The following MAGI2 variants were observed in gnomAD, a reference collection of about 807,000 sequenced individuals.
The protein encoded by MAGI2 is membrane-associated guanylate kinase, WW and PDZ domain-containing protein 2.
In MAGI2, 35 loss-of-function variants were observed where a neutral mutation model predicts 133.3. The observed-to-expected ratio is 0.26, with a 90% CI of 0.20 to 0.35. The LOEUF (loss-of-function observed/expected upper bound fraction) is 0.35. MAGI2 is among the 10% of genes least tolerant of loss of function. The probability of loss-of-function intolerance (pLI) is 1.00; values close to 1 mark genes in which losing one functional copy is unlikely to be tolerated. For synonymous variants in MAGI2, 729 were observed against 710.6 expected (o/e 1.03, Z -0.41); for missense variants, 1,636 against 1,863.4 (o/e 0.88, Z 2.25).
intron 20 of MAGI2, among the ~76,000 whole-genome samples, chr7:78,095,185 T>C (rs1817583148): frequency 6.6e-6 from 1 of 152,176 alleles, no homozygotes; most frequent in Non-Finnish European, 1.5e-5. Context: ...CTCAGAGAAT[T>C]CAAATTCAGT....
intron 1 of MAGI2, among the ~76,000 whole-genome samples, chr7:79,190,266 G>A (rs1295348662): frequency 1.3e-5 from 2 of 151,766 alleles, no homozygotes; most frequent in Non-Finnish European, 2.9e-5. Context: ...AATTTCTGTT[G>A]CTCCACATCC....
intron 2 of MAGI2, among the ~76,000 whole-genome samples, chr7:78,828,763 T>C (rs1790883804): frequency 6.6e-6 from 1 of 152,130 alleles, no homozygotes; most frequent in African/African-American, 2.4e-5. Context: ...CTGTACTATC[T>C]TCGTAAATTT....
chr7:78,687,173 T>C (rs539594734), intron 2 of MAGI2, among the ~76,000 whole-genome samples: 9 of 152,302 alleles, frequency 5.9e-5, no homozygotes, highest in Admixed American at 3.3e-4. Flanking sequence ...GGTTTTCTTC[T>C]CACTCCTAAG....
chr7:79,403,747 T>G (rs940418197), intron 1 of MAGI2, among the ~76,000 whole-genome samples: 4 of 152,168 alleles, frequency 2.6e-5, no homozygotes, highest in Admixed American at 6.5e-5. Context: ...AAATGACTAC[T>G]GAGACTTTAG....
At chr7:78,980,290 A>G (rs1183881495) in intron 2 of MAGI2, among the ~76,000 whole-genome samples, 1 of 151,882 alleles carries the variant, frequency 6.6e-6, no homozygotes, top group Non-Finnish European at 1.5e-5. Flanking sequence ...AAAATCAGCT[A>G]TAATTATTAT....
intron 1 of MAGI2, among the ~76,000 whole-genome samples, chr7:79,055,801 C>A (rs549960125): frequency 2.6e-5 from 4 of 152,258 alleles, no homozygotes; most frequent in Middle Eastern, 3.4e-3. Context: ...ACATATTCTT[C>A]TGTTTCCCTA....
intron 20 of MAGI2, among the ~76,000 whole-genome samples, chr7:78,104,933 C>T (rs574295304): frequency 5.9e-5 from 9 of 152,052 alleles, no homozygotes; most frequent in African/African-American, 1.9e-4. Flanking sequence ...AAATAAATGC[C>T]CATGCAATCA....
At chr7:78,033,096 G>A (rs942656442) in intron 21 of MAGI2, among the ~76,000 whole-genome samples, 4 of 152,118 alleles carry the variant, frequency 2.6e-5, no homozygotes, top group African/African-American at 7.2e-5. Context: ...GTGGTAGCTC[G>A]GGCAAGACAT....
At chr7:79,407,801 T>G (rs1479948130) in intron 1 of MAGI2, among the ~76,000 whole-genome samples, 1 of 151,518 alleles carries the variant, frequency 6.6e-6, no homozygotes, top group Non-Finnish European at 1.5e-5. Flanking sequence ...GAGTTAGTTT[T>G]GAAAAAAAAA....
intron 2 of MAGI2, among the ~76,000 whole-genome samples, chr7:78,896,204 C>T (rs1167679683): frequency 1.3e-5 from 2 of 152,070 alleles, no homozygotes; most frequent in Non-Finnish European, 2.9e-5. Flanking sequence ...CTTTGAGCAC[C>T]TTTATTATAT....
At chr7:79,207,806 C>A (rs751966002) in intron 1 of MAGI2, among the ~76,000 whole-genome samples, 1 of 151,910 alleles carries the variant, frequency 6.6e-6, no homozygotes, top group Non-Finnish European at 1.5e-5. Context: ...GCCTTAGCAA[C>A]CAAAACATCA....
At chr7:78,491,381 G>A (rs764649763) in intron 5 of MAGI2, among the ~76,000 whole-genome samples, 1 of 151,960 alleles carries the variant, frequency 6.6e-6, no homozygotes, top group Non-Finnish European at 1.5e-5. Context: ...GTGACATAAC[G>A]ACCCTTGGGT....
In MAGI2 at chr7:78,114,947, C is replaced by T. The variant is rs75757527; in HGVS notation, c.3567+10747G>A. 1.2e-4 allele frequency among the ~76,000 whole-genome samples: 19 copies of T among 152,348 alleles called. 1 individual carries two copies. In the East Asian group the frequency reaches 3.7e-3, roughly 29 times the overall value. On this transcript the variant is annotated intron_variant, in intron 20 of 21. Coordinates refer to ENST00000354212, the MANE Select transcript of MAGI2 (RefSeq NM_012301.4). ...GAGGGGGCAACTGCCAGCTCTAAAGCTGGAAGTGGTTGCAGCTACTGTAAC... is the reference window on the plus strand; with the variant it reads ...GAGGGGGCAACTGCCAGCTCTAAAGTTGGAAGTGGTTGCAGCTACTGTAAC...
intron 1 of MAGI2, among the ~76,000 whole-genome samples, chr7:79,105,315 ACTGT>A (rs1356142523): frequency 9.2e-5 from 14 of 152,188 alleles, no homozygotes; most frequent in East Asian, 1.9e-4. Context: ...GACTTATGGA[ACTGT>A]CTATTTTTTA....
chr7:79,395,454 G>A (rs929040173), intron 1 of MAGI2, among the ~76,000 whole-genome samples: 13 of 152,264 alleles, frequency 8.5e-5, no homozygotes, highest in African/African-American at 2.6e-4. Context: ...ATCCCGTAAC[G>A]TGATATAAGA....
Position 78,019,555 on chromosome 7 carries a change from C to G in MAGI2, c.4128G>C (p.Glu1376Asp), listed in dbSNP as rs1390795337. The G allele has an allele frequency of 1.0e-6, 1 of 980,458 alleles. No homozygotes were observed. Among genetic ancestry groups the G allele is most frequent in the African/African-American group, 1.8e-5 (1 of 56,524 alleles). The allele number at this position is 980,458 out of a possible 1,614,324, so 60.7% of individuals were successfully genotyped here. ...CCCCCGGGCCTTCGCGCCGGCAGAG[C>G]TCGGAGCCCGCCGCCGCACGGGGCG... The part of the protein sequence containing the change: ...KEAPRAAAGS[E>D]LCRREGPGAA... Residue 1376 changes from glutamate to aspartate, a missense_variant, in exon 22 of 22, where the codon GAG becomes GAC. By Grantham distance (45) the Glu-to-Asp change is conservative. Around this residue, in one of 5 missense-constraint regions of MAGI2, gnomAD observed 354 missense variants for 298.7 expected, o/e 1.19. Coordinates refer to ENST00000354212, the MANE Select transcript of MAGI2 (RefSeq NM_012301.4).
intron 1 of MAGI2, among the ~76,000 whole-genome samples, chr7:79,122,648 CT>C (rs1042120289): frequency 2.2e-3 from 315 of 145,446 alleles, no homozygotes; most frequent in Middle Eastern, 7.2e-3. Flanking sequence ...TAATATATTA[CT>C]TTTTTTTTTT....
intron 2 of MAGI2, among the ~76,000 whole-genome samples, chr7:78,700,064 T>G (rs928438874): frequency 5.3e-5 from 8 of 152,156 alleles, no homozygotes; most frequent in Non-Finnish European, 1.2e-4. Flanking sequence ...TGCTATAAAT[T>G]GTTTTCTCAT....
intron 2 of MAGI2, among the ~76,000 whole-genome samples, chr7:78,990,941 C>CAG (rs1554323803): frequency 6.1e-5 from 9 of 146,624 alleles, no homozygotes; most frequent in African/African-American, 7.6e-5. Context: ...CACACACACA[C>CAG]AGAGATATGG....
Sources: gnomAD v4.1 joint callset for allele counts (sites outside exome capture counted in the v4.1 genomes callset) on GRCh38, gnomAD v4.1.1 for gene constraint, gnomAD v4.1.1 regional missense constraint, MANE v1.5 for transcripts, NCBI Gene and HGNC (gene_info 2026-07-23, HGNC 2026-07-21) for gene names.